XAGE2: variants seen among roughly 807,000 people sequenced by gnomAD.
The protein encoded by XAGE2 is G antigen family D member 3.
A neutral mutation model predicts 9.9 loss-of-function variants in XAGE2; 7 were observed. The observed-to-expected ratio is 0.71, with a 90% CI of 0.40 to 1.32. The LOEUF is 1.32. Ranked by LOEUF, XAGE2 falls within the 40% of genes most tolerant of loss-of-function variation. The pLI, the probability that XAGE2 is intolerant of heterozygous loss-of-function variation, is 0.01. For synonymous variants in XAGE2, 31 were observed against 26.8 expected (o/e 1.16, Z -0.48); for missense variants, 85 against 81.0 (o/e 1.05, Z -0.19).
Position 52,375,517 on chromosome X carries a change from A to G in XAGE2, c.314-52A>G. 4.3e-6 allele frequency: 5 copies of G among 1,174,148 alleles called. No homozygotes were observed. In the South Asian group the frequency reaches 9.1e-5, roughly 21 times the overall value. ...GGTGTCATTTGCATATCTTAATGTG[A>G]TCTAAATACAGTTCTGCTAGTAATG... On this transcript the variant is annotated intron_variant, in intron 4 of 4. Transcript: ENST00000286049.
chrX:52,372,993 G>C (rs1484232247), intron 4 of XAGE2, among the ~76,000 whole-genome samples: 2 of 112,483 alleles, frequency 1.8e-5, no homozygotes, highest in African/African-American at 6.5e-5. Context: ...ATACCAGACT[G>C]TGTGAAATAT....
intron 1 of XAGE2, among the ~76,000 whole-genome samples, chrX:52,369,459 C>T (rs1921137842): frequency 9.1e-6 from 1 of 110,366 alleles, no homozygotes; most frequent in Admixed American, 9.7e-5. Flanking sequence ...GCTGTGTAAG[C>T]GGTAAGAAAG....
Position 52,370,128 on chromosome X carries a change from A to G in XAGE2, c.81+33A>G, listed in dbSNP as rs992499500. 93 of 1,181,088 alleles carry G rather than the reference A, an allele frequency of 7.9e-5. No individual in the cohort carries two copies. The African/African-American group carries it at 1.5e-3, about 19-fold the overall frequency. On this transcript the variant is annotated intron_variant, in intron 2 of 4. Coordinates refer to ENST00000286049, the MANE Select transcript of XAGE2 (RefSeq NM_130777.3). ...CTTTAATATTTTGATGTTTTTTATT[A>G]GCAGAAATTTCTTTTGTGATAGTGT...
intron 4 of XAGE2, 144 bp downstream of exon 4, chrX:52,372,813 T>C: frequency 1.2e-6 from 1 of 809,360 alleles, no homozygotes; most frequent in Non-Finnish European, 1.8e-6. Context: ...CAGATCCCAA[T>C]GCCTGACTGC....
intron 4 of XAGE2, among the ~76,000 whole-genome samples, 199 bp from the exon 5 acceptor site, chrX:52,375,370 T>C (rs1921290556): frequency 8.9e-6 from 1 of 111,938 alleles, no homozygotes; most frequent in Non-Finnish European, 1.9e-5. Context: ...GTTTAAAAAA[T>C]ATTAATAATG....
chrX:52,374,862 A>G (rs1369674096), intron 4 of XAGE2, among the ~76,000 whole-genome samples: 2 of 111,528 alleles, frequency 1.8e-5, no homozygotes, highest in African/African-American at 6.5e-5. Flanking sequence ...ATGCGATCAT[A>G]TAATTAATTA....
At chrX:52,370,161 C>T (rs1216136765) in intron 2 of XAGE2, 66 bp downstream of exon 2, 2 of 1,045,316 alleles carry the variant, frequency 1.9e-6, no homozygotes, top group Non-Finnish European at 1.3e-6. Flanking sequence ...TGTTGTTGAA[C>T]TAGTATAGAT....
rs1452548758 is a variant in XAGE2, at chrX:52,372,485, C to T, written c.188-59C>T. 4 of 1,183,560 alleles carry T rather than the reference C, an allele frequency of 3.4e-6. No individual in the cohort carries two copies. In the East Asian group the frequency reaches 1.2e-4, roughly 35 times the overall value. The stretch of plus-strand genomic sequence containing the variant: ...AACTCTGTGGAATAGAATATTATTA[C>T]TTCCTTATTTATACTTCATGTTTTT... On this transcript the variant is annotated intron_variant, in intron 3 of 4. Transcript: ENST00000286049.
At chrX:52,369,925 A>T (rs1921148796) in intron 1 of XAGE2, 82 bp from the exon 2 acceptor site, 1 of 1,022,700 alleles carries the variant, frequency 9.8e-7, no homozygotes, top group African/African-American at 1.9e-5. Flanking sequence ...TAAAAACTGA[A>T]ATTTAACATT....
At chrX:52,369,780 A>G (rs998760939) in intron 1 of XAGE2, among the ~76,000 whole-genome samples, 2 of 112,801 alleles carry the variant, frequency 1.8e-5, no homozygotes, top group Non-Finnish European at 3.7e-5. Context: ...AATATCCTGT[A>G]TCTTTTGCCA....
At chrX:52,371,105 G>A (rs1189127714) in intron 3 of XAGE2, among the ~76,000 whole-genome samples, 2 of 111,423 alleles carry the variant, frequency 1.8e-5, no homozygotes, top group Non-Finnish European at 3.8e-5. Context: ...CATTTGCATA[G>A]GGATATTAGC....
Position 52,370,043 on chromosome X carries a change from G to T in XAGE2, c.29G>T (p.Arg10Met). The change falls in exon 2 of 5, where the codon AGG (arginine) becomes ATG (methionine). Residue 10 changes from arginine (R) to methionine (M), a missense_variant. By Grantham distance (91) the Arg-to-Met change is moderately conservative. Coordinates refer to ENST00000286049, the MANE Select transcript of XAGE2 (RefSeq NM_130777.3). MSWRGRSTY[R>M]PRPRRSLQPP... ...AGTTGGCGAGGAAGATCAACATATAGGCCTAGGCCAAGAAGAAGTTTACAG... is the reference window on the plus strand; with the variant it reads ...AGTTGGCGAGGAAGATCAACATATATGCCTAGGCCAAGAAGAAGTTTACAG... 8.3e-7 allele frequency: 1 copy of T among 1,211,086 alleles called. No individual in the cohort carries two copies. The highest frequency in any genetic ancestry group is 2.2e-5 in the Admixed American group (1 of 45,927).
chrX:52,370,886 T>C, intron 3 of XAGE2, among the ~76,000 whole-genome samples: 1 of 112,335 alleles, frequency 8.9e-6, no homozygotes, highest in Non-Finnish European at 1.9e-5. Flanking sequence ...AGATTTATTT[T>C]GTATGCTTGA....
chrX:52,375,344 C>T (rs897263996), intron 4 of XAGE2, among the ~76,000 whole-genome samples: 15 of 111,508 alleles, frequency 1.3e-4, no homozygotes, highest in African/African-American at 4.6e-4. Flanking sequence ...CCTTGTAGCA[C>T]TAGAAAGCAG....
intron 3 of XAGE2, among the ~76,000 whole-genome samples, chrX:52,371,480 A>G (rs1921191437): frequency 8.9e-6 from 1 of 112,109 alleles, no homozygotes; most frequent in East Asian, 2.8e-4. Flanking sequence ...TTTTTAAGGA[A>G]CTTTTAAAAG....
chrX:52,371,800 A>G (rs1012369146), intron 3 of XAGE2, among the ~76,000 whole-genome samples: 2 of 111,807 alleles, frequency 1.8e-5, no homozygotes, highest in East Asian at 2.8e-4. Context: ...CCTAAGCATA[A>G]TTTTAATTAA....
Position 52,375,029 on chromosome X carries a change from A to G in XAGE2, c.314-540A>G, listed in dbSNP as rs1362228161. On this transcript the variant is annotated intron_variant, in intron 4 of 4. Transcript: ENST00000286049. ...TTTGCACTTTGGCACAATAGAGGAA[A>G]AAACAAATGCAATACTGTCCTTTCT... Among the ~76,000 whole-genome samples the G allele has an allele frequency of 2.1e-4, 23 of 111,913 alleles. No individual in the cohort carries two copies. The Admixed American group carries it at 2.2e-3, about 11-fold the overall frequency.
At chrX:52,373,283 G>A (rs1393055673) in intron 4 of XAGE2, among the ~76,000 whole-genome samples, 1 of 112,201 alleles carries the variant, frequency 8.9e-6, no homozygotes, top group Non-Finnish European at 1.9e-5. Flanking sequence ...AAATGAGCAG[G>A]CACTCTGCTT....
chrX:52,373,564 G>T, intron 4 of XAGE2, among the ~76,000 whole-genome samples: 1 of 111,524 alleles, frequency 9.0e-6, no homozygotes, highest in South Asian at 3.8e-4. Flanking sequence ...GAGCTACTGT[G>T]TGTAATAAAG....
Sources: allele counts gnomAD v4.1 joint callset (sites outside exome capture counted in the v4.1 genomes callset), GRCh38; gene constraint gnomAD v4.1.1; transcripts MANE v1.5; gene names NCBI Gene and HGNC (gene_info 2026-07-23, HGNC 2026-07-21).